The following MTOR variants were observed in gnomAD, a reference collection of about 807,000 sequenced individuals.
The protein encoded by MTOR is serine/threonine-protein kinase mTOR.
A neutral mutation model predicts 319.8 loss-of-function variants in MTOR; 70 were observed. The ratio of observed to expected loss-of-function variants is 0.22; its 90% CI spans 0.18 to 0.27. The LOEUF is 0.27. Ranked by LOEUF, MTOR falls within the 10% of genes least tolerant of loss-of-function variation. MTOR has a pLI of 1.00. For synonymous variants in MTOR, 1,183 were observed against 1,211.4 expected, an observed-to-expected ratio of 0.98 and a Z score of 0.49; for missense variants, 1,890 against 3,274.4, an observed-to-expected ratio of 0.58 and a Z score of 10.32.
At chr1:11,172,501 T>C (rs939569040) in intron 28 of MTOR, among the ~76,000 whole-genome samples, 11 of 140,204 alleles carry the variant, frequency 7.8e-5, no homozygotes, top group Non-Finnish European at 1.7e-4. Context: ...TGGAGCTTGC[T>C]GTGAGCCGAG....
At chr1:11,184,151 T>G (rs1645240860) in intron 28 of MTOR, among the ~76,000 whole-genome samples, 1 of 152,240 alleles carries the variant, frequency 6.6e-6, no homozygotes, top group South Asian at 2.1e-4. Flanking sequence ...TTTAACCCTT[T>G]GCTTTATTTA....
intron 28 of MTOR, chr1:11,189,243 G>A (rs1645424651): frequency 4.7e-6 from 1 of 213,896 alleles, no homozygotes; most frequent in Admixed American, 5.2e-5. Flanking sequence ...TCACCCAACA[G>A]GCACCTGACC....
At chr1:11,174,045 A>C (rs1257983603) in intron 28 of MTOR, among the ~76,000 whole-genome samples, 1 of 152,220 alleles carries the variant, frequency 6.6e-6, no homozygotes, top group Non-Finnish European at 1.5e-5. Context: ...TTTATATATG[A>C]AGAAAACACA....
At chr1:11,241,708 T>A (rs1408083894) in intron 9 of MTOR, 27 bp from the exon 10 acceptor site, 1 of 1,593,636 alleles carries the variant, frequency 6.3e-7, no homozygotes, top group Non-Finnish European at 8.6e-7. Flanking sequence ...AGTGGCTAGT[T>A]GAGACATAAT....
chr1:11,199,718 G>A lies in MTOR; in HGVS notation c.3945-15C>T. 2 of 1,612,340 alleles carry A rather than the reference G, an allele frequency of 1.2e-6. No homozygotes were observed. Among genetic ancestry groups the A allele is most frequent in the Non-Finnish European group, 8.5e-7 (1 of 1,178,664 alleles). ...TGAAGAGATCCCTGAAGGCAGAGAA[G>A]GTGGAAAATGGAGAGACCTCCCGTG... On this transcript the variant is annotated splice_polypyrimidine_tract_variant and intron_variant, in intron 26 of 57. Transcript: ENST00000361445. The surrounding 1 kb of genome is among the most constrained non-coding windows in gnomAD (Gnocchi z 4.5).
At chr1:11,210,955 AG>A (rs781673356) in intron 23 of MTOR, 49 bp from the exon 24 acceptor site, 1 of 1,161,300 alleles carries the variant, frequency 8.6e-7, no homozygotes, top group South Asian at 1.3e-5. Context: ...TGGAGAGTGG[AG>A]AAAAAGTAGA....
At chr1:11,108,848 TA>T (rs1414093329) in intron 56 of MTOR, among the ~76,000 whole-genome samples, 1 of 151,532 alleles carries the variant, frequency 6.6e-6, no homozygotes, top group African/African-American at 2.4e-5. Flanking sequence ...CACAAAAAAT[TA>T]GCTGGGCGTG....
At position 11,228,804 on chromosome 1, in the gene MTOR, G is replaced by A. The variant is rs2100855699; in HGVS notation, c.2894C>T (p.Ser965Phe). Residue 965 changes from serine (S) to phenylalanine (F), a missense_variant, in exon 19 of 58, where the codon TCT becomes TTT. Coordinates refer to ENST00000361445, the MANE Select transcript of MTOR (RefSeq NM_004958.4). ...LMRIFRDQSL[S>F]HHHTMVVQAI... ...CTGGACAACCATGGTGTGATGATGA[G>A]AGAGTGACTGGTCTCGGAAGATCCG... The A allele has an allele frequency of 6.2e-7, 1 of 1,614,158 alleles. No homozygotes were observed. The highest frequency in any genetic ancestry group is 8.5e-7 in the Non-Finnish European group (1 of 1,180,022).
At chr1:11,182,601 C>T (rs1456525446) in intron 28 of MTOR, among the ~76,000 whole-genome samples, 1 of 152,174 alleles carries the variant, frequency 6.6e-6, no homozygotes, top group Admixed American at 6.5e-5. Flanking sequence ...AGACCAGAAA[C>T]AGAACACAAC....
intron 28 of MTOR, among the ~76,000 whole-genome samples, chr1:11,182,200 A>C (rs1645182489): frequency 6.6e-6 from 1 of 151,692 alleles, no homozygotes; most frequent in African/African-American, 2.4e-5. Context: ...CTGGGCAATA[A>C]GAGCGAAACT....
At chr1:11,244,343 C>T (rs1648525267) in intron 8 of MTOR, among the ~76,000 whole-genome samples, 1 of 132,674 alleles carries the variant, frequency 7.5e-6, no homozygotes, top group Non-Finnish European at 1.6e-5. Context: ...AATAAAAAAC[C>T]AGTACAGGGT....
chr1:11,156,038 T>A (rs1644309025), intron 30 of MTOR, among the ~76,000 whole-genome samples: 1 of 152,240 alleles, frequency 6.6e-6, no homozygotes, highest in Non-Finnish European at 1.5e-5. Flanking sequence ...TCACTCAGGC[T>A]GGAGTGCAGT....
At chr1:11,250,610 C>G (rs1273894681) in intron 6 of MTOR, among the ~76,000 whole-genome samples, 2 of 87,338 alleles carry the variant, frequency 2.3e-5, no homozygotes, top group East Asian at 1.6e-3. Flanking sequence ...TCCAACTGTA[C>G]TAGTTCCCTT....
intron 28 of MTOR, among the ~76,000 whole-genome samples, chr1:11,192,929 C>T (rs1259442258): frequency 2.0e-5 from 3 of 152,110 alleles, no homozygotes; most frequent in Non-Finnish European, 4.4e-5. Context: ...CTTATAACCA[C>T]CACATAACTT....
Position 11,129,922 on chromosome 1 carries a change from C to A in MTOR, c.5614-84G>T. 8.6e-7 allele frequency: 1 copy of A among 1,159,766 alleles called. No individual in the cohort carries two copies. The highest frequency in any genetic ancestry group is 1.3e-6 in the Non-Finnish European group (1 of 782,780). The allele number at this position is 1,159,766 out of a possible 1,614,324, so 71.8% of individuals were successfully genotyped here. A position where few individuals can be genotyped will look rare whatever the true frequency, so the allele number is the denominator to read the frequency against. On this transcript the variant is annotated intron_variant, in intron 39 of 57. Transcript: ENST00000361445. This position sits in a 1 kb window ranked among gnomAD's most constrained non-coding sequence, Gnocchi z 4.7. ...GGGCATAAGAGCATACTAACTGTAC[C>A]TACTTCAAAGGGTGGTTATAACAAT...
chr1:11,107,110 T>C lies in MTOR; in HGVS notation c.*375A>G, dbSNP rs1042750723. ...GGCTGTGCTGAGTTTGCTGTACCCA[T>C]GTTGAGAGGAGCAACTAGGTCATTC... On this transcript the variant is annotated 3_prime_UTR_variant, in exon 58 of 58. Coordinates refer to ENST00000361445, the MANE Select transcript of MTOR (RefSeq NM_004958.4). 16 of 1,375,730 alleles carry C rather than the reference T, an allele frequency of 1.2e-5. No individual in the cohort carries two copies. The East Asian group carries it at 3.0e-4, about 26-fold the overall frequency. 85.2% of individuals were successfully genotyped at this position (1,375,730 alleles called of 1,614,324 possible).
intron 15 of MTOR, chr1:11,232,854 A>C: frequency 1.9e-6 from 1 of 520,722 alleles, no homozygotes; most frequent in Non-Finnish European, 3.4e-6. Context: ...CAGCCTGGAC[A>C]AAGTGAAACT....
At chr1:11,119,248 C>G (rs1183333744) in intron 49 of MTOR, among the ~76,000 whole-genome samples, 1 of 151,440 alleles carries the variant, frequency 6.6e-6, no homozygotes, top group Non-Finnish European at 1.5e-5. Flanking sequence ...CTGGCCAACA[C>G]AGTGAAACCC....
Position 11,247,801 on chromosome 1 carries a change from G to C in MTOR, c.1116+18C>G. ...TGTGGAGCTTAGGAAAAGAGGGAAA[G>C]GGCCTCTCACCACTTACCTGATCAA... On this transcript the variant is annotated intron_variant, in intron 7 of 57. Transcript: ENST00000361445. The C allele has an allele frequency of 6.2e-7, 1 of 1,611,972 alleles. No individual in the cohort carries two copies. The highest frequency in any genetic ancestry group is 8.5e-7 in the Non-Finnish European group (1 of 1,178,192).
Sources: allele counts gnomAD v4.1 joint callset (sites outside exome capture counted in the v4.1 genomes callset), GRCh38; gene constraint gnomAD v4.1.1; non-coding constraint Gnocchi (gnomAD v3.1); transcripts MANE v1.5; gene names NCBI Gene and HGNC (gene_info 2026-07-23, HGNC 2026-07-21).